GMPS: variants seen among roughly 807,000 people sequenced by gnomAD.
The protein encoded by GMPS is guanosine monophosphate synthase, also known as GMP synthase [glutamine-hydrolyzing].
Under a neutral mutation model 77.9 loss-of-function variants are expected in GMPS, and 15 were observed. The ratio of observed to expected loss-of-function variants is 0.19; its 90% CI spans 0.13 to 0.30. The LOEUF (loss-of-function observed/expected upper bound fraction) is 0.30. Ranked by LOEUF, GMPS falls within the 10% of genes least tolerant of loss-of-function variation. GMPS has a pLI of 1.00. For synonymous variants in GMPS, 224 were observed against 275.9 expected (o/e 0.81, Z 1.86); for missense variants, 590 against 838.8 (o/e 0.70, Z 3.66).
chr3:155,921,909 A>G (rs1755327004), intron 10 of GMPS, among the ~76,000 whole-genome samples: 2 of 152,350 alleles, frequency 1.3e-5, no homozygotes, highest in Non-Finnish European at 2.9e-5. Context: ...ACTTAGGGAC[A>G]GAGATTAATA....
rs371139266 is a variant in GMPS, at chr3:155,906,161, G to A, written c.424G>A (p.Gly142Ser). 4.5e-6 allele frequency: 7 copies of A among 1,562,152 alleles called. No homozygotes were observed. The African/African-American group carries it at 5.5e-5, about 12-fold the overall frequency. The change falls in exon 5 of 16, where the codon GGC becomes AGC. Residue 142 changes from glycine to serine, a missense_variant and splice_region_variant. By Grantham distance (56) the Gly-to-Ser change is moderately conservative. Coordinates refer to ENST00000496455, the MANE Select transcript of GMPS (RefSeq NM_003875.3). Reference protein sequence around the residue: ...SVDNTCSLFRGLQKEEVVLLT... With the variant: ...SVDNTCSLFRSLQKEEVVLLT... ...GTGTTTTATTTTTTGTATGTTTAGG[G>A]GCCTTCAGAAGGAAGAAGTTGTTTT...
intron 7 of GMPS, among the ~76,000 whole-genome samples, chr3:155,913,829 A>C: frequency 6.6e-6 from 1 of 151,336 alleles, no homozygotes; most frequent in East Asian, 2.0e-4. Context: ...CCTAATCAGC[A>C]TAATTTGTGA....
chr3:155,881,333 C>T lies in GMPS; in HGVS notation c.27+10436C>T, dbSNP rs373217906. Among the ~76,000 whole-genome samples, 843 of 151,850 alleles carry T rather than the reference C, an allele frequency of 5.6e-3. 2 individuals carry two copies. The highest frequency in any genetic ancestry group is 0.015 in the South Asian group (71 of 4,814). On this transcript the variant is annotated intron_variant, in intron 1 of 15. Coordinates refer to ENST00000496455, the MANE Select transcript of GMPS (RefSeq NM_003875.3). ...GATTACAGGCGTGTGCCACCATGCC[C>T]GGCTAATTTTGTATTTTTAGTACAG...
At position 155,922,194 on chromosome 3, in the gene GMPS, C is replaced by G; in HGVS notation, c.1326C>G (p.Gly442=). ...TATTACTCCTACCTTTAGGTCCTGGCCTGGCAATCAGAGTAATATGTGCTG... is the reference window on the plus strand; with the variant it reads ...TATTACTCCTACCTTTAGGTCCTGGGCTGGCAATCAGAGTAATATGTGCTG... ...LVSRHPFPGP[G]LAIRVICAEE... Residue 442 remains glycine (G), a synonymous_variant, in exon 11 of 16, where the codon GGC becomes GGG. Transcript: ENST00000496455. The G allele has an allele frequency of 6.9e-7, 1 of 1,452,752 alleles. No individual in the cohort carries two copies. The highest frequency in any genetic ancestry group is 9.4e-7 in the Non-Finnish European group (1 of 1,067,152). 90.0% of individuals were successfully genotyped at this position (1,452,752 alleles called of 1,614,324 possible). A position where few individuals can be genotyped will look rare whatever the true frequency, so the allele number is the denominator to read the frequency against.
At chr3:155,910,964 C>A in intron 6 of GMPS, 79 bp downstream of exon 6, 2 of 1,105,540 alleles carry the variant, frequency 1.8e-6, no homozygotes, top group South Asian at 1.6e-5. Flanking sequence ...CTCAACACAG[C>A]CCTTAAATGT....
At chr3:155,925,196 C>T (rs774255562) in intron 11 of GMPS, 45 bp from the exon 12 acceptor site, 6 of 1,557,748 alleles carry the variant, frequency 3.9e-6, no homozygotes, top group Non-Finnish European at 4.4e-6. Context: ...AGAGTGAATA[C>T]CTTATTTCTT....
At chr3:155,876,319 A>G (rs1047080307) in intron 1 of GMPS, among the ~76,000 whole-genome samples, 2 of 152,240 alleles carry the variant, frequency 1.3e-5, no homozygotes, top group African/African-American at 4.8e-5. Context: ...AAGACTAGAT[A>G]GAGTTAGCTA....
At chr3:155,873,035 C>T (rs1753941579) in intron 1 of GMPS, among the ~76,000 whole-genome samples, 2 of 152,252 alleles carry the variant, frequency 1.3e-5, no homozygotes, top group South Asian at 2.1e-4. Flanking sequence ...CATAGCCTAC[C>T]ACTGAACCAC....
chr3:155,922,988 C>A (rs1755354558), intron 11 of GMPS, among the ~76,000 whole-genome samples: 1 of 151,994 alleles, frequency 6.6e-6, no homozygotes, highest in Admixed American at 6.6e-5. Flanking sequence ...AGATAGATTT[C>A]CAACAAATAT....
rs1358709418 is a variant in GMPS, at chr3:155,943,207, G to T, written c.*5515G>T. ...GATTGCGCCACTGCACTCCAGCCTA[G>T]GTGACAAGAATGAGACTCCGTCTTA... On this transcript the variant is annotated 3_prime_UTR_variant, in exon 16 of 16. Transcript: ENST00000496455. 4 of 178,812 alleles carry T rather than the reference G, an allele frequency of 2.2e-5. No individual in the cohort carries two copies. Among genetic ancestry groups the T allele is most frequent in the Non-Finnish European group, 4.8e-5 (4 of 83,368 alleles). The allele number at this position is 178,812 out of a possible 1,614,324, so 11.1% of individuals were successfully genotyped here.
intron 13 of GMPS, among the ~76,000 whole-genome samples, chr3:155,934,519 C>G (rs1452306796): frequency 1.3e-5 from 2 of 152,176 alleles, no homozygotes; most frequent in Admixed American, 1.3e-4. Context: ...TAGAGCCCAT[C>G]CTAATCCAGT....
At chr3:155,910,568 CAAAAAAAAAA>C (rs772197752) in intron 5 of GMPS, 114 bp from the exon 6 acceptor site, 6 of 266,608 alleles carry the variant, frequency 2.3e-5, no homozygotes, top group African/African-American at 1.4e-4. Context: ...GACTCTGTCT[CAAAAAAAAAA>C]AAAAAAAAAA....
intron 1 of GMPS, among the ~76,000 whole-genome samples, chr3:155,882,916 A>G (rs1469554496): frequency 6.6e-6 from 1 of 152,164 alleles, no homozygotes; most frequent in Non-Finnish European, 1.5e-5. Flanking sequence ...CATTATTTCC[A>G]ATGGTGCAAT....
At chr3:155,878,746 G>A (rs1359590273) in intron 1 of GMPS, among the ~76,000 whole-genome samples, 2 of 152,208 alleles carry the variant, frequency 1.3e-5, no homozygotes. Flanking sequence ...ACGCGATTAT[G>A]GAGGCTGAGA....
At chr3:155,909,528 C>A (rs937622093) in intron 5 of GMPS, among the ~76,000 whole-genome samples, 1 of 152,142 alleles carries the variant, frequency 6.6e-6, no homozygotes, top group Non-Finnish European at 1.5e-5. Flanking sequence ...ACGTCCTATA[C>A]CTCATTAATT....
At position 155,943,112 on chromosome 3, in the gene GMPS, T is replaced by A. The variant is rs957688113; in HGVS notation, c.*5420T>A. ...TGGGCTTGGTGGCGCGCGCCTGTAA[T>A]CCCAGCTACTCGGAAGGCTGAGGTG... On this transcript the variant is annotated 3_prime_UTR_variant, in exon 16 of 16. Coordinates refer to ENST00000496455, the MANE Select transcript of GMPS (RefSeq NM_003875.3). 5.7e-6 allele frequency: 1 copy of A among 175,434 alleles called. No individual in the cohort carries two copies. The highest frequency in any genetic ancestry group is 2.4e-5 in the African/African-American group (1 of 42,144). The allele number at this position is 175,434 out of a possible 1,614,324, so 10.9% of individuals were successfully genotyped here.
At chr3:155,898,397 A>G (rs1754652741) in intron 3 of GMPS, among the ~76,000 whole-genome samples, 1 of 152,194 alleles carries the variant, frequency 6.6e-6, no homozygotes, top group African/African-American at 2.4e-5. Flanking sequence ...TGCACACGTG[A>G]TGCCCTGTTA....
intron 1 of GMPS, among the ~76,000 whole-genome samples, chr3:155,879,897 A>G (rs1333155737): frequency 6.6e-6 from 1 of 151,030 alleles, no homozygotes; most frequent in African/African-American, 2.4e-5. Context: ...TGCCCAGCTA[A>G]TTCTTTTGCC....
At chr3:155,933,999 A>T (rs1313065305) in intron 13 of GMPS, among the ~76,000 whole-genome samples, 1 of 152,196 alleles carries the variant, frequency 6.6e-6, no homozygotes, top group East Asian at 1.9e-4. Context: ...TTTTGGAAGG[A>T]AGTAGTAGGA....
Sources: allele counts gnomAD v4.1 joint callset (sites outside exome capture counted in the v4.1 genomes callset), GRCh38; gene constraint gnomAD v4.1.1; transcripts MANE v1.5; gene names NCBI Gene and HGNC (gene_info 2026-07-23, HGNC 2026-07-21).